CACNG3: variants seen among roughly 807,000 people sequenced by gnomAD.
CACNG3 encodes voltage-dependent calcium channel gamma-3 subunit.
CACNG3 carries 3 observed loss-of-function variants against 28.5 expected under a neutral mutation model. The observed-to-expected ratio is 0.11, with a 90% CI of 0.05 to 0.27. CACNG3 has a LOEUF of 0.27. Among genes scored for constraint, CACNG3 ranks in the 10% least tolerant of loss-of-function variants. The probability of loss-of-function intolerance (pLI) is 1.00; values close to 1 mark genes in which losing one functional copy is unlikely to be tolerated. For missense variants in CACNG3, 236 were observed against 414.4 expected (o/e 0.57, Z 3.74); for synonymous variants, 174 against 162.2 (o/e 1.07, Z -0.55).
At chr16:24,351,685 G>GAAGGAAA (rs1567225397) in intron 2 of CACNG3, among the ~76,000 whole-genome samples, 33 of 40,974 alleles carry the variant, frequency 8.1e-4, no homozygotes, top group African/African-American at 1.7e-3. Flanking sequence ...AAAGAAAGAA[G>GAAGGAAA]GAAAGAAAGA....
chr16:24,353,099 T>A (rs139526843), intron 2 of CACNG3, among the ~76,000 whole-genome samples: 3,222 of 152,278 alleles, frequency 0.021, 121 homozygotes, highest in African/African-American at 0.072. Flanking sequence ...CCTCAGCCTC[T>A]CAAGTAGCTG....
At chr16:24,346,621 C>A in intron 1 of CACNG3, 113 bp from the exon 2 acceptor site, 1 of 709,576 alleles carries the variant, frequency 1.4e-6, no homozygotes, top group Admixed American at 2.5e-5. Context: ...GCCCAACAAC[C>A]CTACAGCCCC....
chr16:24,324,955 T>TG (rs1899521272), intron 1 of CACNG3, among the ~76,000 whole-genome samples: 2 of 152,306 alleles, frequency 1.3e-5, no homozygotes, highest in Admixed American at 1.3e-4. Flanking sequence ...TGGGTCACTC[T>TG]GAGCCCCTTA....
intron 1 of CACNG3, among the ~76,000 whole-genome samples, chr16:24,329,436 A>C (rs1899603687): frequency 6.6e-6 from 1 of 152,224 alleles, no homozygotes; most frequent in African/African-American, 2.4e-5. Flanking sequence ...TAACATAGTC[A>C]GAATGCTAAC....
At chr16:24,300,754 A>G (rs1320943434) in intron 1 of CACNG3, among the ~76,000 whole-genome samples, 1 of 152,108 alleles carries the variant, frequency 6.6e-6, no homozygotes, top group Non-Finnish European at 1.5e-5. Context: ...CGTCTCTACT[A>G]AAAATACAAA....
Position 24,312,927 on chromosome 16 carries a change from GA to G in CACNG3, c.212-33804del, listed in dbSNP as rs1567216063. ...AAGAAGGAAGGAAGGAAGGAAGAAAGAAAGAAAGAAAGAAAGAAAGAAAGAA... is the reference window on the plus strand; with the variant it reads ...AAGAAGGAAGGAAGGAAGGAAGAAAGAAGAAAGAAAGAAAGAAAGAAAGAA... On this transcript the variant is annotated intron_variant, in intron 1 of 3. Coordinates refer to ENST00000005284, the MANE Select transcript of CACNG3 (RefSeq NM_006539.4). 8.1e-3 allele frequency among the ~76,000 whole-genome samples: 692 copies of G among 85,578 alleles called. 7 individuals are homozygous for G. The highest frequency in any genetic ancestry group is 0.024 in the African/African-American group (617 of 25,360). 56.1% of individuals were successfully genotyped at this position (85,578 alleles called of 152,430 possible).
Position 24,347,730 on chromosome 16 carries a change from C to T in CACNG3, c.295+913C>T, listed in dbSNP as rs180721210. 3.8e-3 allele frequency among the ~76,000 whole-genome samples: 584 copies of T among 152,330 alleles called. 1 individual carries two copies. The highest frequency in any genetic ancestry group is 6.1e-3 in the Non-Finnish European group (414 of 68,036). On this transcript the variant is annotated intron_variant, in intron 2 of 3. Coordinates refer to ENST00000005284, the MANE Select transcript of CACNG3 (RefSeq NM_006539.4). ...CTGGATATGACATGAACCGTCACAA[C>T]TACAGCATGTAGGAGCCAAAAGAAT...
chr16:24,352,272 C>A (rs1460302452), intron 2 of CACNG3, among the ~76,000 whole-genome samples: 4 of 152,230 alleles, frequency 2.6e-5, no homozygotes, highest in Non-Finnish European at 5.9e-5. Flanking sequence ...GTGAACTAAG[C>A]TTTGAACCCC....
Position 24,312,920 on chromosome 16 carries a change from G to GAAGAAAGA in CACNG3, c.212-33785_212-33778dup, listed in dbSNP as rs374395697. The stretch of plus-strand genomic sequence containing the variant: ...GGAAAGAAAGAAGGAAGGAAGGAAG[G>GAAGAAAGA]AAGAAAGAAAGAAAGAAAGAAAGAA... On this transcript the variant is annotated intron_variant, in intron 1 of 3. Transcript: ENST00000005284. Among the ~76,000 whole-genome samples, 922 of 122,092 alleles carry GAAGAAAGA rather than the reference G, an allele frequency of 7.6e-3. 13 individuals are homozygous for GAAGAAAGA. The highest frequency in any genetic ancestry group is 0.039 in the East Asian group (164 of 4,210). The allele number at this position is 122,092 out of a possible 152,430, so 80.1% of individuals were successfully genotyped here.
At chr16:24,352,090 C>T (rs982855794) in intron 2 of CACNG3, among the ~76,000 whole-genome samples, 4 of 152,000 alleles carry the variant, frequency 2.6e-5, no homozygotes, top group Non-Finnish European at 5.9e-5. Flanking sequence ...TCAGGTCTCC[C>T]TCTTCATCCC....
intron 1 of CACNG3, among the ~76,000 whole-genome samples, chr16:24,302,313 C>G (rs904154939): frequency 6.6e-6 from 1 of 152,196 alleles, no homozygotes; most frequent in Non-Finnish European, 1.5e-5. Flanking sequence ...ACAGCCAAAG[C>G]CTTGCTACTC....
At chr16:24,284,895 A>G (rs184802400) in intron 1 of CACNG3, among the ~76,000 whole-genome samples, 1 of 152,238 alleles carries the variant, frequency 6.6e-6, no homozygotes, top group Admixed American at 6.5e-5. Context: ...AGTCATTGAT[A>G]AAATCATTGA....
intron 1 of CACNG3, among the ~76,000 whole-genome samples, chr16:24,292,193 T>C (rs1000311037): frequency 2.0e-5 from 3 of 152,100 alleles, no homozygotes; most frequent in African/African-American, 7.2e-5. Context: ...ATGCATGTAC[T>C]GTCCCACTGT....
intron 3 of CACNG3, among the ~76,000 whole-genome samples, chr16:24,360,809 T>C (rs1262095219): frequency 6.6e-6 from 1 of 152,206 alleles, no homozygotes; most frequent in Admixed American, 6.5e-5. Flanking sequence ...ATCTCCTGGC[T>C]CACCCCTATT....
At chr16:24,321,503 C>T (rs936584251) in intron 1 of CACNG3, among the ~76,000 whole-genome samples, 4 of 152,204 alleles carry the variant, frequency 2.6e-5, no homozygotes, top group Middle Eastern at 3.4e-3. Flanking sequence ...TCTCGGTTAT[C>T]AGATGGATTG....
At chr16:24,288,714 C>T (rs117044236) in intron 1 of CACNG3, among the ~76,000 whole-genome samples, 48 of 152,274 alleles carry the variant, frequency 3.2e-4, no homozygotes, top group Non-Finnish European at 5.9e-4. Flanking sequence ...GGAACATCTG[C>T]GGCTCACTAC....
At chr16:24,344,184 T>G (rs898627963) in intron 1 of CACNG3, among the ~76,000 whole-genome samples, 1 of 152,042 alleles carries the variant, frequency 6.6e-6, no homozygotes. Context: ...GTAATCCCAG[T>G]GCTTTGGGAG....
chr16:24,307,055 C>T (rs1453050937), intron 1 of CACNG3, among the ~76,000 whole-genome samples: 1 of 152,198 alleles, frequency 6.6e-6, no homozygotes, highest in Non-Finnish European at 1.5e-5. Context: ...CATCCAATAG[C>T]TGGGCAGTAT....
At chr16:24,307,523 C>T (rs1287219242) in intron 1 of CACNG3, among the ~76,000 whole-genome samples, 1 of 152,194 alleles carries the variant, frequency 6.6e-6, no homozygotes, top group Non-Finnish European at 1.5e-5. Flanking sequence ...TCTGGTCCTG[C>T]TTCCCCCTTC....
Sources: gnomAD v4.1 joint callset for allele counts (sites outside exome capture counted in the v4.1 genomes callset) on GRCh38, gnomAD v4.1.1 for gene constraint, MANE v1.5 for transcripts, NCBI Gene and HGNC (gene_info 2026-07-23, HGNC 2026-07-21) for gene names.